MSH4: variants seen among roughly 807,000 people sequenced by gnomAD.
MSH4 encodes the protein mutS protein homolog 4.
MSH4 carries 106 observed loss-of-function variants against 113.7 expected under a neutral mutation model. The observed-to-expected ratio is 0.93, with a 90% CI of 0.80 to 1.10. MSH4 has a LOEUF of 1.10. Ranked by LOEUF, MSH4 falls within the 50% of genes least tolerant of loss-of-function variation. The pLI, the probability that MSH4 is intolerant of heterozygous loss-of-function variation, is 0.00. For missense variants in MSH4, 1,061 were observed against 1,093.7 expected, an observed-to-expected ratio of 0.97 and a Z score of 0.42; for synonymous variants, 368 against 380.2, an observed-to-expected ratio of 0.97 and a Z score of 0.37.
At chr1:75,882,887 A>AG (rs1391209350) in intron 14 of MSH4, among the ~76,000 whole-genome samples, 1 of 152,156 alleles carries the variant, frequency 6.6e-6, no homozygotes, top group Admixed American at 6.6e-5. Context: ...ATTTGAAATA[A>AG]TATTAAAGTA....
intron 7 of MSH4, among the ~76,000 whole-genome samples, chr1:75,839,050 T>C (rs1253755531): frequency 6.6e-6 from 1 of 152,216 alleles, no homozygotes; most frequent in East Asian, 1.9e-4. Flanking sequence ...GTTGAAATTG[T>C]ATTCTGTTAT....
rs147985311 is a variant in MSH4 at position 75,876,961 on chromosome 1, C to G, written c.1331C>G (p.Pro444Arg). 1 of 1,562,568 alleles carries G rather than the reference C, an allele frequency of 6.4e-7. No individual in the cohort carries two copies. The highest frequency in any genetic ancestry group is 8.7e-7 in the Non-Finnish European group (1 of 1,155,398). Residue 444 changes from proline to arginine, a missense_variant, in exon 10 of 20, where the codon CCT becomes CGT. By Grantham distance (103) the Pro-to-Arg change is moderately radical. Coordinates refer to ENST00000263187, the MANE Select transcript of MSH4 (RefSeq NM_002440.4). Reference sequence around the variant, plus strand: ...ATTGCTATGAAGAACTGTAACACACCTTTATTAAGAGCTTACTATGGTTCC... The same window carrying G: ...ATTGCTATGAAGAACTGTAACACACGTTTATTAAGAGCTTACTATGGTTCC... ...LKIAMKNCNTPLLRAYYGSLE... is the reference protein window; with the variant it reads ...LKIAMKNCNTRLLRAYYGSLE...
At chr1:75,883,368 G>A (rs1451667598) in intron 14 of MSH4, among the ~76,000 whole-genome samples, 1 of 151,664 alleles carries the variant, frequency 6.6e-6, no homozygotes, top group Non-Finnish European at 1.5e-5. Flanking sequence ...CTATTTTGGA[G>A]CTCAGGACAG....
intron 7 of MSH4, among the ~76,000 whole-genome samples, chr1:75,835,789 A>G (rs990213744): frequency 1.3e-5 from 2 of 152,154 alleles, no homozygotes; most frequent in African/African-American, 4.8e-5. Flanking sequence ...CAAATTTCCT[A>G]TGCTCACTAT....
chr1:75,872,944 G>A (rs1007173983), intron 9 of MSH4, among the ~76,000 whole-genome samples: 4 of 152,172 alleles, frequency 2.6e-5, no homozygotes, highest in Admixed American at 2.0e-4. Flanking sequence ...GAAAGACACT[G>A]ACTACAGCTG....
chr1:75,852,776 G>T (rs1316554582), intron 8 of MSH4, among the ~76,000 whole-genome samples: 1 of 151,912 alleles, frequency 6.6e-6, no homozygotes, highest in Non-Finnish European at 1.5e-5. Flanking sequence ...ATCCCTTATT[G>T]GATATATGAT....
intron 7 of MSH4, among the ~76,000 whole-genome samples, chr1:75,845,070 A>G (rs1458797310): frequency 9.8e-5 from 15 of 152,342 alleles, no homozygotes; most frequent in Admixed American, 7.8e-4. Context: ...TAATCCATTC[A>G]TGAGGGCAGA....
At chr1:75,874,764 C>T (rs1570981060) in intron 9 of MSH4, among the ~76,000 whole-genome samples, 1 of 152,286 alleles carries the variant, frequency 6.6e-6, no homozygotes, top group Middle Eastern at 3.4e-3. Context: ...GATGATAAAA[C>T]AAGGTGGTGA....
At chr1:75,911,149 T>G (rs1004160806) in intron 19 of MSH4, among the ~76,000 whole-genome samples, 2 of 151,954 alleles carry the variant, frequency 1.3e-5, no homozygotes, top group African/African-American at 2.4e-5. Context: ...GGGATTTGCC[T>G]TCTTAACCAG....
intron 7 of MSH4, among the ~76,000 whole-genome samples, chr1:75,828,311 A>T (rs543418789): frequency 6.6e-6 from 1 of 152,314 alleles, no homozygotes; most frequent in African/African-American, 2.4e-5. Context: ...TACTGGATAT[A>T]TACCCAAACA....
intron 8 of MSH4, among the ~76,000 whole-genome samples, chr1:75,848,969 T>C (rs1188966762): frequency 6.6e-6 from 1 of 152,158 alleles, no homozygotes; most frequent in Admixed American, 6.5e-5. Context: ...TCTCACTCTG[T>C]CACCAAGGCT....
intron 8 of MSH4, among the ~76,000 whole-genome samples, chr1:75,851,601 G>A (rs980178147): frequency 6.6e-6 from 1 of 151,954 alleles, no homozygotes; most frequent in African/African-American, 2.4e-5. Context: ...GTACAGATGG[G>A]GTTTTGCCAT....
At chr1:75,868,578 A>G (rs965382020) in intron 9 of MSH4, among the ~76,000 whole-genome samples, 4 of 152,374 alleles carry the variant, frequency 2.6e-5, no homozygotes, top group Non-Finnish European at 5.9e-5. Flanking sequence ...AAATATTAAC[A>G]TGGTTTGGCT....
chr1:75,869,956 C>G (rs1343977827), intron 9 of MSH4, among the ~76,000 whole-genome samples: 1 of 152,162 alleles, frequency 6.6e-6, no homozygotes, highest in Non-Finnish European at 1.5e-5. Context: ...GCACCATGCA[C>G]CTGGAAAAGC....
At chr1:75,851,220 G>GTT (rs140555753) in intron 8 of MSH4, among the ~76,000 whole-genome samples, 28 of 35,936 alleles carry the variant, frequency 7.8e-4, no homozygotes, top group Non-Finnish European at 1.1e-3. Flanking sequence ...ATCTGCCATC[G>GTT]TTTTTTTTTT....
chr1:75,896,129 T>C (rs975203838), intron 17 of MSH4, among the ~76,000 whole-genome samples: 7 of 152,108 alleles, frequency 4.6e-5, no homozygotes, highest in African/African-American at 1.7e-4. Context: ...AAGAGAGAAC[T>C]TACTGCCTTC....
At chr1:75,838,613 A>G (rs1355866296) in intron 7 of MSH4, among the ~76,000 whole-genome samples, 1 of 152,174 alleles carries the variant, frequency 6.6e-6, no homozygotes, top group Non-Finnish European at 1.5e-5. Context: ...AAACTTTTCT[A>G]TATAGCTGTT....
At chr1:75,889,718 A>G (rs1003990687) in intron 16 of MSH4, among the ~76,000 whole-genome samples, 158 of 152,144 alleles carry the variant, frequency 1.0e-3, no homozygotes, top group African/African-American at 3.7e-3. Context: ...TTAAAACAAA[A>G]GATTACTGTG....
chr1:75,878,494 T>C (rs1218077056), intron 11 of MSH4, among the ~76,000 whole-genome samples, 176 bp downstream of exon 11: 3 of 152,190 alleles, frequency 2.0e-5, no homozygotes, highest in Non-Finnish European at 4.4e-5. Context: ...GCAGCCTTCA[T>C]ACTAAACTCC....
Sources: allele counts gnomAD v4.1 joint callset (sites outside exome capture counted in the v4.1 genomes callset), GRCh38; gene constraint gnomAD v4.1.1; transcripts MANE v1.5; gene names NCBI Gene and HGNC (gene_info 2026-07-23, HGNC 2026-07-21).